Variants in SDHA observed in about 807,000 individuals in gnomAD.
SDHA encodes the protein succinate dehydrogenase [ubiquinone] flavoprotein subunit, mitochondrial.
SDHA carries 48 observed loss-of-function variants against 78.4 expected under a neutral mutation model. The observed-to-expected ratio is 0.61, with a 90% CI of 0.49 to 0.78. The LOEUF is 0.78. Ranked by LOEUF, SDHA falls within the 30% of genes least tolerant of loss-of-function variation. The pLI is 0.00. For synonymous variants in SDHA, 326 were observed against 353.9 expected (o/e 0.92, Z 0.88); for missense variants, 680 against 892.7 (o/e 0.76, Z 3.04).
chr5:248,554 G>A (rs1408574079), intron 11 of SDHA, among the ~76,000 whole-genome samples: 1 of 152,158 alleles, frequency 6.6e-6, no homozygotes, highest in African/African-American at 2.4e-5. Context: ...CTATGATGCA[G>A]TTACACATGC....
At chr5:263,597 T>A in the SDHA span, among the ~76,000 whole-genome samples, 1 of 152,202 alleles carries the variant, frequency 6.6e-6, no homozygotes, top group East Asian at 1.9e-4. Context: ...GTTCATTATC[T>A]TCTGTGCATT....
At chr5:244,442 A>G (rs2126614414) in intron 11 of SDHA, among the ~76,000 whole-genome samples, 1 of 152,226 alleles carries the variant, frequency 6.6e-6, no homozygotes, top group East Asian at 1.9e-4. Flanking sequence ...AGTGCATAGC[A>G]CAGCTCCTGA....
At chr5:258,002 T>G (rs1435131200), downstream of SDHA, among the ~76,000 whole-genome samples, 1 of 22,490 alleles carries the variant, frequency 4.4e-5, no homozygotes, top group African/African-American at 2.6e-4. Context: ...GAGCATTACC[T>G]TGTGAGCTCC....
At chr5:249,764 T>C (rs899776883) in intron 11 of SDHA, 9 of 152,242 alleles carry the variant, frequency 5.9e-5, no homozygotes, top group Middle Eastern at 3.2e-3. Flanking sequence ...CACCGCTGGG[T>C]TAGGGTCTCC....
At chr5:231,156 TAAG>T (rs1735375201) in intron 7 of SDHA, among the ~76,000 whole-genome samples, 156 bp downstream of exon 7, 1 of 152,168 alleles carries the variant, frequency 6.6e-6, no homozygotes, top group Non-Finnish European at 1.5e-5. Flanking sequence ...GTCATTTACC[TAAG>T]GAGACTTTTC....
In SDHA at chr5:229,934, G is replaced by A. The variant is rs547517673; in HGVS notation, c.771-942G>A. Among the ~76,000 whole-genome samples, 14 of 149,242 alleles carry A rather than the reference G, an allele frequency of 9.4e-5. 1 individual carries two copies. The highest frequency in any genetic ancestry group is 3.5e-4 in the African/African-American group (14 of 40,564). ...TTAACATTATACAGCACGGTGGCTA[G>A]AGTTAATATACAGCATGGTGGCTAT... On this transcript the variant is annotated intron_variant, in intron 6 of 14. Coordinates refer to ENST00000264932, the MANE Select transcript of SDHA (RefSeq NM_004168.4).
rs6888536 is a variant in SDHA at position 254,596 on chromosome 5, A to G, written c.1908+90A>G. 84,175 of 1,366,504 alleles carry G rather than the reference A, an allele frequency of 0.062. 10,479 individuals carry two copies. Among genetic ancestry groups the G allele is most frequent in the African/African-American group, 0.46 (26,274 of 57,186 alleles). 84.6% of individuals were successfully genotyped at this position (1,366,504 alleles called of 1,614,324 possible). A position where few individuals can be genotyped will look rare whatever the true frequency, so the allele number is the denominator to read the frequency against. On this transcript the variant is annotated intron_variant, in intron 14 of 14. Coordinates refer to ENST00000264932, the MANE Select transcript of SDHA (RefSeq NM_004168.4). ...TGGCCTTGCTGATGGTGAACGGGGA[A>G]GAGCAGGCCAGATTTAAATCAACTC...
At chr5:262,700 T>C in the SDHA span, among the ~76,000 whole-genome samples, 1 of 152,230 alleles carries the variant, frequency 6.6e-6, no homozygotes, top group Admixed American at 6.5e-5. Flanking sequence ...AGAACTGGCA[T>C]AGAAGTAAAT....
At chr5:236,731 G>A (rs926553232) in intron 10 of SDHA, 132 bp downstream of exon 10, 9 of 879,204 alleles carry the variant, frequency 1.0e-5, no homozygotes, top group South Asian at 1.4e-5. Context: ...TCAACCTCCC[G>A]GGCTCAAGCA....
the SDHA span, among the ~76,000 whole-genome samples, chr5:262,719 G>T: frequency 0.22 from 33,147 of 150,482 alleles, 4,236 homozygotes; most frequent in African/African-American, 0.48. Context: ...ATGGGCTGCT[G>T]CTTTATTTTT....
At chr5:264,192 GAAGT>G in the SDHA span, among the ~76,000 whole-genome samples, 1 of 152,214 alleles carries the variant, frequency 6.6e-6, no homozygotes, top group African/African-American at 2.4e-5. Context: ...AATAGACTCT[GAAGT>G]AATATCTGGA....
intron 11 of SDHA, among the ~76,000 whole-genome samples, chr5:248,208 G>T (rs1358299940): frequency 6.7e-6 from 1 of 150,134 alleles, no homozygotes; most frequent in East Asian, 1.9e-4. Flanking sequence ...AACCTTATGA[G>T]CTGACACTGA....
At chr5:251,688 C>T (rs1472552129) in intron 13 of SDHA, 1 of 1,490,134 alleles carries the variant, frequency 6.7e-7, no homozygotes, top group East Asian at 2.7e-5. Context: ...CTGATGCCAG[C>T]AGTGGCATCT....
At chr5:220,805 T>C (rs1447321418) in intron 1 of SDHA, among the ~76,000 whole-genome samples, 2 of 149,512 alleles carry the variant, frequency 1.3e-5, no homozygotes, top group Admixed American at 1.3e-4. Flanking sequence ...AGTAACCATG[T>C]GTGAACTGAA....
chr5:219,767 C>T (rs1734609133), intron 1 of SDHA, among the ~76,000 whole-genome samples: 1 of 152,176 alleles, frequency 6.6e-6, no homozygotes, highest in South Asian at 2.1e-4. Context: ...AGAGCTAGTG[C>T]CTTTGTCCTC....
intron 5 of SDHA, among the ~76,000 whole-genome samples, chr5:226,656 C>T (rs1372088600): frequency 6.7e-6 from 1 of 150,128 alleles, no homozygotes; most frequent in East Asian, 2.0e-4. Context: ...AGGCTGGGTG[C>T]GGTGGCTCAC....
intron 11 of SDHA, among the ~76,000 whole-genome samples, chr5:246,803 A>C (rs1736496379): frequency 6.6e-6 from 1 of 152,222 alleles, no homozygotes; most frequent in Non-Finnish European, 1.5e-5. Context: ...CTAACTCCTT[A>C]TTTGGATCAA....
intron 11 of SDHA, chr5:249,668 A>G (rs2864958): frequency 0.24 from 36,654 of 152,316 alleles, 6,881 homozygotes; most frequent in African/African-American, 0.53. Context: ...ATCTCTGTTC[A>G]AGGCTCTCAG....
chr5:262,925 C>T, the SDHA span, among the ~76,000 whole-genome samples: 1 of 152,050 alleles, frequency 6.6e-6, no homozygotes, highest in Non-Finnish European at 1.5e-5. Flanking sequence ...TTTTGTTTTT[C>T]CTTATATTAA....
Sources: allele counts gnomAD v4.1 joint callset (sites outside exome capture counted in the v4.1 genomes callset), GRCh38; gene constraint gnomAD v4.1.1; transcripts MANE v1.5; gene names NCBI Gene and HGNC (gene_info 2026-07-23, HGNC 2026-07-21).